Variants in PRKACB observed in about 807,000 individuals in gnomAD.
The protein encoded by PRKACB is cAMP-dependent protein kinase catalytic subunit beta.
PRKACB carries 16 observed loss-of-function variants against 51.4 expected under a neutral mutation model. The observed-to-expected ratio is 0.31, with a 90% CI of 0.21 to 0.47. PRKACB has a LOEUF of 0.47. PRKACB is among the 20% of genes least tolerant of loss of function. The pLI is 1.00. For synonymous variants in PRKACB, 147 were observed against 154.4 expected (o/e 0.95, Z 0.35); for missense variants, 309 against 464.5 (o/e 0.67, Z 3.08).
At chr1:84,219,398 T>C (rs907921906) in intron 9 of PRKACB, among the ~76,000 whole-genome samples, 8 of 151,956 alleles carry the variant, frequency 5.3e-5, no homozygotes, top group Non-Finnish European at 2.9e-5. Flanking sequence ...CTAATTTTTG[T>C]ATTTTTAGTA....
rs960030808 is a variant in PRKACB, at chr1:84,235,449, G to A, written c.*144G>A. On this transcript the variant is annotated 3_prime_UTR_variant, in exon 10 of 10. Coordinates refer to ENST00000370685, the MANE Select transcript of PRKACB (RefSeq NM_182948.4). ...GTGAGGTCTTTATTGCCATCATCCCGTGTGCGCACTCTGCATCCACCTATG... is the reference window on the plus strand; with the variant it reads ...GTGAGGTCTTTATTGCCATCATCCCATGTGCGCACTCTGCATCCACCTATG... The A allele has an allele frequency of 8.6e-5, 90 of 1,044,216 alleles. No homozygotes were observed. Among genetic ancestry groups the A allele is most frequent in the Non-Finnish European group, 1.2e-4 (84 of 719,444 alleles). 64.7% of individuals were successfully genotyped at this position (1,044,216 alleles called of 1,614,324 possible).
intron 1 of PRKACB, among the ~76,000 whole-genome samples, chr1:84,160,653 T>C (rs928698097): frequency 2.0e-5 from 3 of 150,160 alleles, no homozygotes; most frequent in African/African-American, 4.9e-5. Flanking sequence ...GCTATGAATT[T>C]TTTTTCTAAA....
chr1:84,109,670 G>T (rs1650059464), intron 1 of PRKACB, among the ~76,000 whole-genome samples: 1 of 151,746 alleles, frequency 6.6e-6, no homozygotes, highest in Admixed American at 6.6e-5. Flanking sequence ...TACAATTTTT[G>T]CAACTTCATC....
At chr1:84,132,548 A>G (rs1652343384) in intron 1 of PRKACB, among the ~76,000 whole-genome samples, 1 of 152,238 alleles carries the variant, frequency 6.6e-6, no homozygotes, top group African/African-American at 2.4e-5. Flanking sequence ...AATCAGAACC[A>G]GACTCAGATG....
intron 1 of PRKACB, among the ~76,000 whole-genome samples, chr1:84,109,229 G>A (rs1295272451): frequency 2.0e-5 from 3 of 151,854 alleles, no homozygotes; most frequent in Non-Finnish European, 4.4e-5. Flanking sequence ...ACATTTTGGC[G>A]AACATATGTA....
intron 1 of PRKACB, among the ~76,000 whole-genome samples, chr1:84,169,706 AAT>A (rs1342206134): frequency 2.6e-5 from 4 of 151,700 alleles, no homozygotes; most frequent in African/African-American, 9.7e-5. Flanking sequence ...AGTAATCAAA[AAT>A]ATGATTCAGG....
intron 1 of PRKACB, among the ~76,000 whole-genome samples, chr1:84,165,860 T>G (rs1469871720): frequency 2.0e-5 from 3 of 151,740 alleles, no homozygotes; most frequent in African/African-American, 7.2e-5. Context: ...AACCTTTGAT[T>G]CAGATATTTT....
intron 9 of PRKACB, among the ~76,000 whole-genome samples, chr1:84,227,479 C>T (rs1674812943): frequency 6.6e-6 from 1 of 152,096 alleles, no homozygotes; most frequent in African/African-American, 2.4e-5. Flanking sequence ...TGAATCTTTT[C>T]ATATTTATAT....
At chr1:84,169,325 A>G (rs1019263284) in intron 1 of PRKACB, among the ~76,000 whole-genome samples, 1 of 151,658 alleles carries the variant, frequency 6.6e-6, no homozygotes, top group African/African-American at 2.4e-5. Flanking sequence ...CTAAGACATG[A>G]AACAAAGATA....
At chr1:84,120,546 TG>T (rs1650977557) in intron 1 of PRKACB, among the ~76,000 whole-genome samples, 1 of 152,090 alleles carries the variant, frequency 6.6e-6, no homozygotes, top group South Asian at 2.1e-4. Flanking sequence ...ATAATGACTG[TG>T]CATCAAAAAA....
At chr1:84,109,997 CCTACT>C (rs1650085452) in intron 1 of PRKACB, among the ~76,000 whole-genome samples, 1 of 151,714 alleles carries the variant, frequency 6.6e-6, no homozygotes, top group African/African-American at 2.4e-5. Flanking sequence ...CTTTAAAAGG[CCTACT>C]CATACTTTCA....
intron 9 of PRKACB, among the ~76,000 whole-genome samples, chr1:84,228,771 A>G (rs1312398485): frequency 1.3e-5 from 2 of 152,198 alleles, no homozygotes; most frequent in Admixed American, 1.3e-4. Flanking sequence ...ATTAAAAGTA[A>G]GTCTGAGATT....
chr1:84,174,585 T>G (rs1423990521), intron 1 of PRKACB, among the ~76,000 whole-genome samples: 1 of 151,898 alleles, frequency 6.6e-6, no homozygotes, highest in Non-Finnish European at 1.5e-5. Context: ...AAACCAGCAC[T>G]GAGGAAGTGG....
intron 1 of PRKACB, chr1:84,175,733 C>CTT: frequency 2.4e-5 from 30 of 1,264,164 alleles, no homozygotes; most frequent in Admixed American, 1.1e-4. Flanking sequence ...AATTGTCTCT[C>CTT]TTTTTTTTTT....
chr1:84,143,359 C>T (rs1653628542), upstream of PRKACB, among the ~76,000 whole-genome samples: 1 of 151,934 alleles, frequency 6.6e-6, no homozygotes, highest in Admixed American at 6.6e-5. Context: ...GTCTGAGGGG[C>T]GAGAATCGCT....
upstream of PRKACB, among the ~76,000 whole-genome samples, chr1:84,144,050 T>C (rs760038113): frequency 6.6e-6 from 1 of 152,164 alleles, no homozygotes; most frequent in African/African-American, 2.4e-5. Context: ...TTTAGCCTAC[T>C]ATATATATAA....
intron 7 of PRKACB, among the ~76,000 whole-genome samples, chr1:84,199,097 G>A (rs915146874): frequency 3.2e-4 from 25 of 78,870 alleles, no homozygotes; most frequent in East Asian, 2.3e-3. Flanking sequence ...GCGTATATAT[G>A]CATATATGTA....
chr1:84,162,483 T>G (rs1365995916), intron 1 of PRKACB, among the ~76,000 whole-genome samples: 1 of 152,078 alleles, frequency 6.6e-6, no homozygotes, highest in Non-Finnish European at 1.5e-5. Context: ...CTCCTGTCTT[T>G]TTCTGTGTTC....
intron 7 of PRKACB, among the ~76,000 whole-genome samples, chr1:84,201,012 A>G (rs1389439338): frequency 6.6e-6 from 1 of 152,144 alleles, no homozygotes; most frequent in African/African-American, 2.4e-5. Context: ...TATGATAAAC[A>G]TCCTTATACA....
Sources: gnomAD v4.1 joint callset for allele counts (sites outside exome capture counted in the v4.1 genomes callset) on GRCh38, gnomAD v4.1.1 for gene constraint, MANE v1.5 for transcripts, NCBI Gene and HGNC (gene_info 2026-07-23, HGNC 2026-07-21) for gene names.